ALDH1A1: variants seen among roughly 807,000 people sequenced by gnomAD.
ALDH1A1 encodes aldehyde dehydrogenase 1A1.
In ALDH1A1, 19 loss-of-function variants were observed where a neutral mutation model predicts 62.1. That is an observed-to-expected ratio of 0.31 (90% confidence interval 0.21 to 0.45). The LOEUF is 0.45. Among genes scored for constraint, ALDH1A1 ranks in the 20% least tolerant of loss-of-function variants. The pLI is 1.00. For missense variants in ALDH1A1, 521 were observed against 607.1 expected (o/e 0.86, Z 1.49); for synonymous variants, 231 against 215.9 (o/e 1.07, Z -0.61).
At chr9:72,947,706 C>A (rs1487110087) in intron 1 of ALDH1A1, among the ~76,000 whole-genome samples, 1 of 151,822 alleles carries the variant, frequency 6.6e-6, no homozygotes, top group Non-Finnish European at 1.5e-5. Context: ...AGCATCAGAT[C>A]CAAGATAAAA....
chr9:72,907,826 T>C (rs553145758), intron 11 of ALDH1A1, among the ~76,000 whole-genome samples: 1 of 152,318 alleles, frequency 6.6e-6, no homozygotes, highest in South Asian at 2.1e-4. Context: ...ACAGTAACTA[T>C]GCTGAATTTT....
chr9:72,943,234 C>T (rs1830437479), intron 1 of ALDH1A1, among the ~76,000 whole-genome samples: 1 of 152,082 alleles, frequency 6.6e-6, no homozygotes, highest in Non-Finnish European at 1.5e-5. Flanking sequence ...TTTGCTAGGC[C>T]TGTGGTCGGA....
intron 10 of ALDH1A1, among the ~76,000 whole-genome samples, chr9:72,911,157 T>C (rs983791404): frequency 6.6e-6 from 1 of 152,082 alleles, no homozygotes; most frequent in Non-Finnish European, 1.5e-5. Flanking sequence ...GACACACATA[T>C]ATACACTCAC....
chr9:72,910,252 G>T (rs1412777073), intron 10 of ALDH1A1, among the ~76,000 whole-genome samples: 1 of 152,102 alleles, frequency 6.6e-6, no homozygotes, highest in Non-Finnish European at 1.5e-5. Flanking sequence ...TATGCCATTG[G>T]TAAAATATTA....
At chr9:72,901,338 T>A (rs1295193735) in intron 12 of ALDH1A1, 58 bp from the exon 13 acceptor site, 2 of 1,192,866 alleles carry the variant, frequency 1.7e-6, no homozygotes, top group Admixed American at 3.6e-5. Context: ...ATAAATATAC[T>A]GTAGTTCATG....
intron 7 of ALDH1A1, among the ~76,000 whole-genome samples, 183 bp from the exon 8 acceptor site, chr9:72,919,005 A>G (rs1421813766): frequency 1.3e-5 from 2 of 152,058 alleles, no homozygotes; most frequent in African/African-American, 4.8e-5. Flanking sequence ...CAGTGGCGCA[A>G]TCTCGGCTCA....
intron 11 of ALDH1A1, among the ~76,000 whole-genome samples, chr9:72,908,869 G>A (rs1829941137): frequency 6.6e-6 from 1 of 151,988 alleles, no homozygotes; most frequent in Non-Finnish European, 1.5e-5. Context: ...AATGGGAGAG[G>A]GAGGGTATCT....
chr9:72,930,761 G>T, intron 3 of ALDH1A1, 118 bp downstream of exon 3: 1 of 1,226,406 alleles, frequency 8.2e-7, no homozygotes, highest in Non-Finnish European at 1.1e-6. Context: ...GACAAAAAAT[G>T]TTTTCATTTT....
chr9:72,911,797 C>T (rs1222613778), intron 10 of ALDH1A1, among the ~76,000 whole-genome samples, 161 bp downstream of exon 10: 1 of 152,174 alleles, frequency 6.6e-6, no homozygotes, highest in East Asian at 1.9e-4. Flanking sequence ...TTTTTAGTAT[C>T]TATCACAAAT....
chr9:72,944,078 C>G (rs1201892773), intron 1 of ALDH1A1, among the ~76,000 whole-genome samples: 1 of 151,976 alleles, frequency 6.6e-6, no homozygotes, highest in African/African-American at 2.4e-5. Flanking sequence ...AAAATAAAGT[C>G]AATTTGTGGC....
In ALDH1A1 at chr9:72,906,267, G is replaced by A. The variant is rs117266287; in HGVS notation, c.1359-235C>T. Among the ~76,000 whole-genome samples, 131 of 152,232 alleles carry A rather than the reference G, an allele frequency of 8.6e-4. No individual in the cohort carries two copies. The East Asian group carries it at 8.7e-3, about 10-fold the overall frequency. On this transcript the variant is annotated intron_variant, in intron 11 of 12. Coordinates refer to ENST00000297785, the MANE Select transcript of ALDH1A1 (RefSeq NM_000689.5). Reference sequence around the variant, plus strand: ...ATATATATGGATAGCCATTTTGGTCGTACATTGTGTCCCTGAGAAGTGGTA... The same window carrying A: ...ATATATATGGATAGCCATTTTGGTCATACATTGTGTCCCTGAGAAGTGGTA...
Position 72,928,905 on chromosome 9 carries a change from A to G in ALDH1A1, c.429T>C (p.Arg143=). 1 of 1,613,834 alleles carries G rather than the reference A, an allele frequency of 6.2e-7. No individual in the cohort carries two copies. Among genetic ancestry groups the G allele is most frequent in the South Asian group, 1.1e-5 (1 of 91,062 alleles). Residue 143 remains arginine, a synonymous_variant, in exon 4 of 13, where the codon CGT becomes CGC. Transcript: ENST00000297785. ...AAAGATACTTACCAATTGGTATTGT[A>G]CGGCCCTGGATCTTGTCAGCCCAAC... is the stretch of plus-strand genomic sequence containing the variant. ...CAGWADKIQG[R]TIPIDGNFFT...
At chr9:72,909,205 A>G (rs567121244) in intron 11 of ALDH1A1, among the ~76,000 whole-genome samples, 29 of 105,796 alleles carry the variant, frequency 2.7e-4, no homozygotes, top group African/African-American at 8.7e-4. Context: ...CTTGTTGCTG[A>G]GGCTAGAGTG....
At chr9:72,918,593 T>G (rs1298347210) in intron 8 of ALDH1A1, 127 bp downstream of exon 8, 1 of 641,802 alleles carries the variant, frequency 1.6e-6, no homozygotes, top group East Asian at 2.8e-5. Flanking sequence ...CTCTTTACAC[T>G]TTGATGTTAG....
At chr9:72,912,555 T>C (rs936813691) in intron 9 of ALDH1A1, among the ~76,000 whole-genome samples, 14 of 152,166 alleles carry the variant, frequency 9.2e-5, no homozygotes, top group African/African-American at 3.1e-4. Flanking sequence ...AAGCAGATGC[T>C]TTAAGACTGT....
At chr9:72,907,009 C>T (rs1829885383) in intron 11 of ALDH1A1, among the ~76,000 whole-genome samples, 1 of 151,950 alleles carries the variant, frequency 6.6e-6, no homozygotes, top group Non-Finnish European at 1.5e-5. Flanking sequence ...AACAAACAAA[C>T]AAAAAACCAG....
intron 8 of ALDH1A1, among the ~76,000 whole-genome samples, chr9:72,917,323 G>A (rs1407143488): frequency 6.6e-6 from 1 of 151,738 alleles, no homozygotes; most frequent in Admixed American, 6.6e-5. Flanking sequence ...AAAAAATAGT[G>A]GTTACTATTA....
chr9:72,942,236 G>T, intron 1 of ALDH1A1: 1 of 886,010 alleles, frequency 1.1e-6, no homozygotes, highest in Non-Finnish European at 1.4e-6. Flanking sequence ...TTCCATTTAT[G>T]CCCTTACAGC....
intron 3 of ALDH1A1, among the ~76,000 whole-genome samples, chr9:72,929,266 G>A (rs184329357): frequency 6.6e-6 from 1 of 152,184 alleles, no homozygotes; most frequent in African/African-American, 2.4e-5. Flanking sequence ...TCATTTTGAT[G>A]TTCTCCTGCT....
Sources: gnomAD v4.1 joint callset for allele counts (sites outside exome capture counted in the v4.1 genomes callset) on GRCh38, gnomAD v4.1.1 for gene constraint, MANE v1.5 for transcripts, NCBI Gene and HGNC (gene_info 2026-07-23, HGNC 2026-07-21) for gene names.